Variants in PARD3B observed in about 807,000 individuals in gnomAD.
PARD3B encodes partitioning defective 3 homolog B.
PARD3B carries 103 observed loss-of-function variants against 130.2 expected under a neutral mutation model. The ratio of observed to expected loss-of-function variants is 0.79; its 90% CI spans 0.67 to 0.93. PARD3B has a LOEUF of 0.93. Among genes scored for constraint, PARD3B ranks in the 40% least tolerant of loss-of-function variants. PARD3B has a pLI of 0.00. For synonymous variants in PARD3B, 583 were observed against 553.2 expected (o/e 1.05, Z -0.76); for missense variants, 1,609 against 1,499.2 (o/e 1.07, Z -1.21).
In PARD3B at chr2:204,675,339, T is replaced by A. The variant is rs548540839; in HGVS notation, c.121-10842T>A. ...TGCATTAAATATCTTTAATTTTTTT[T>A]AATTTCAGACTTTTAACGTTTAATT... On this transcript the variant is annotated intron_variant, in intron 1 of 22. Transcript: ENST00000406610. This position sits in a 1 kb window ranked among gnomAD's most constrained non-coding sequence, Gnocchi z 4.4. Among the ~76,000 whole-genome samples, 2 of 152,246 alleles carry A rather than the reference T, an allele frequency of 1.3e-5. No homozygotes were observed. Among genetic ancestry groups the A allele is most frequent in the South Asian group, 2.1e-4 (1 of 4,828 alleles).
intron 2 of PARD3B, among the ~76,000 whole-genome samples, chr2:204,894,847 C>T (rs2046585626): frequency 6.6e-6 from 1 of 151,634 alleles, no homozygotes; most frequent in Non-Finnish European, 1.5e-5. Context: ...ATAAATAGTG[C>T]CTTTCAAAGA....
intron 15 of PARD3B, among the ~76,000 whole-genome samples, chr2:205,213,256 G>A (rs1300474044): frequency 2.0e-5 from 3 of 151,870 alleles, no homozygotes; most frequent in Non-Finnish European, 4.4e-5. Context: ...TCCTAAAGCA[G>A]TAACTATTGG....
At chr2:205,593,486 CTTAAA>C (rs940548030) in intron 22 of PARD3B, among the ~76,000 whole-genome samples, 13 of 152,202 alleles carry the variant, frequency 8.5e-5, no homozygotes, top group African/African-American at 3.1e-4. Flanking sequence ...CTAAACCACA[CTTAAA>C]TTAATTTGCT....
At chr2:204,807,274 T>A (rs1220925602) in intron 2 of PARD3B, among the ~76,000 whole-genome samples, 3 of 152,198 alleles carry the variant, frequency 2.0e-5, no homozygotes, top group Non-Finnish European at 4.4e-5. Context: ...ATTGGTGAGA[T>A]GCAAATTGAC....
chr2:205,590,454 T>C lies in PARD3B; in HGVS notation c.3261-25002T>C, dbSNP rs1302832513. On this transcript the variant is annotated intron_variant, in intron 22 of 22. Coordinates refer to ENST00000406610, the MANE Select transcript of PARD3B (RefSeq NM_001302769.2). The surrounding 1 kb of genome is among the most constrained non-coding windows in gnomAD (Gnocchi z 4.1). ...ATTTTCCACAGAAGTCCTAGGATCA[T>C]CTCAGGTTGCTTTTATCGCGGTATG... 1.3e-5 allele frequency among the ~76,000 whole-genome samples: 2 copies of C among 152,186 alleles called. No homozygotes were observed. Among genetic ancestry groups the C allele is most frequent in the East Asian group, 1.9e-4 (1 of 5,190 alleles).
rs1004980661 is a variant in PARD3B at position 205,592,568 on chromosome 2, A to G, written c.3261-22888A>G. Reference sequence around the variant, plus strand: ...CACCAGAAAACAGGTGATTAAATACAATGGTTATTGATTCCATAGAGGCAG... The same window carrying G: ...CACCAGAAAACAGGTGATTAAATACGATGGTTATTGATTCCATAGAGGCAG... On this transcript the variant is annotated intron_variant, in intron 22 of 22. Coordinates refer to ENST00000406610, the MANE Select transcript of PARD3B (RefSeq NM_001302769.2). The surrounding 1 kb of genome is among the most constrained non-coding windows in gnomAD (Gnocchi z 4.5). Among the ~76,000 whole-genome samples the G allele has an allele frequency of 1.3e-5, 2 of 152,208 alleles. No individual in the cohort carries two copies. Among genetic ancestry groups the G allele is most frequent in the African/African-American group, 4.8e-5 (2 of 41,456 alleles).
intron 2 of PARD3B, among the ~76,000 whole-genome samples, chr2:204,733,843 C>T (rs993345476): frequency 6.6e-6 from 1 of 151,924 alleles, no homozygotes; most frequent in African/African-American, 2.4e-5. Context: ...CCATTCAATA[C>T]AAAATTCACT....
intron 4 of PARD3B, among the ~76,000 whole-genome samples, chr2:205,066,815 A>G (rs1700408371): frequency 6.6e-6 from 1 of 152,130 alleles, no homozygotes; most frequent in African/African-American, 2.4e-5. Context: ...CATCATTTAA[A>G]TCATCAAGTT....
chr2:204,730,364 CA>C (rs1443976088), intron 2 of PARD3B, among the ~76,000 whole-genome samples: 2 of 152,082 alleles, frequency 1.3e-5, no homozygotes, highest in African/African-American at 4.8e-5. Flanking sequence ...CCACCTTGCC[CA>C]GCCTTACATA....
intron 21 of PARD3B, among the ~76,000 whole-genome samples, chr2:205,551,837 T>A (rs1332956607): frequency 6.6e-6 from 1 of 152,158 alleles, no homozygotes; most frequent in East Asian, 1.9e-4. Context: ...CTTGACACTG[T>A]TAGTTCCTTC....
chr2:205,502,597 C>T (rs939826555), intron 21 of PARD3B, among the ~76,000 whole-genome samples: 6 of 152,026 alleles, frequency 3.9e-5, no homozygotes, highest in Non-Finnish European at 5.9e-5. Context: ...TTGAAAGGCC[C>T]GATGAGTGTT....
chr2:204,785,435 C>T (rs536585875), intron 2 of PARD3B, among the ~76,000 whole-genome samples: 4 of 152,168 alleles, frequency 2.6e-5, no homozygotes, highest in African/African-American at 4.8e-5. Flanking sequence ...GTCTCACCTT[C>T]GCCATTCCAA....
intron 15 of PARD3B, among the ~76,000 whole-genome samples, chr2:205,239,304 A>G (rs891922394): frequency 1.7e-4 from 26 of 152,134 alleles, no homozygotes; most frequent in African/African-American, 6.3e-4. Context: ...TGATGCAAAT[A>G]ATTATTCACC....
chr2:205,413,198 C>G (rs1446468678), intron 19 of PARD3B, among the ~76,000 whole-genome samples: 1 of 152,048 alleles, frequency 6.6e-6, no homozygotes, highest in Non-Finnish European at 1.5e-5. Context: ...CTTCAGAGTT[C>G]CTATAAAATT....
At chr2:204,667,446 C>T (rs1193320096) in intron 1 of PARD3B, among the ~76,000 whole-genome samples, 1 of 152,002 alleles carries the variant, frequency 6.6e-6, no homozygotes, top group Non-Finnish European at 1.5e-5. Flanking sequence ...TGTGTATGTC[C>T]TAGGTCTGAC....
chr2:204,806,832 G>T (rs1289420762), intron 2 of PARD3B, among the ~76,000 whole-genome samples: 1 of 152,164 alleles, frequency 6.6e-6, no homozygotes, highest in Non-Finnish European at 1.5e-5. Flanking sequence ...ATGGGCAAAA[G>T]ATTTGAATAG....
intron 19 of PARD3B, among the ~76,000 whole-genome samples, chr2:205,434,926 G>T (rs557299671): frequency 6.6e-6 from 1 of 151,152 alleles, no homozygotes; most frequent in African/African-American, 2.4e-5. Flanking sequence ...GTGGGATGGG[G>T]GTGAGAGTTG....
At chr2:204,936,382 T>TTTACC (rs1688460431) in intron 2 of PARD3B, among the ~76,000 whole-genome samples, 1 of 152,224 alleles carries the variant, frequency 6.6e-6, no homozygotes. Context: ...GGTAAAATAT[T>TTTACC]GTTGATCAAT....
chr2:204,823,719 C>T (rs1436215795), intron 2 of PARD3B, among the ~76,000 whole-genome samples: 4 of 152,118 alleles, frequency 2.6e-5, no homozygotes, highest in Non-Finnish European at 5.9e-5. Flanking sequence ...GCGGTTAGAT[C>T]ACCTGAGGTC....
Sources: gnomAD v4.1 joint callset for allele counts (sites outside exome capture counted in the v4.1 genomes callset) on GRCh38, gnomAD v4.1.1 for gene constraint, Gnocchi (gnomAD v3.1) non-coding constraint, MANE v1.5 for transcripts, NCBI Gene and HGNC (gene_info 2026-07-23, HGNC 2026-07-21) for gene names.